Variants in TENT5D observed in about 807,000 individuals in gnomAD.
The protein encoded by TENT5D is cancer/testis antigen 112.
For missense variants in TENT5D, 191 were observed against 287.0 expected, an observed-to-expected ratio of 0.67 and a Z score of 2.42; for synonymous variants, 103 against 100.6, an observed-to-expected ratio of 1.02 and a Z score of -0.15.
At chrX:80,377,405 G>T (rs958964255) in intron 3 of TENT5D, among the ~76,000 whole-genome samples, 29 of 110,580 alleles carry the variant, frequency 2.6e-4, no homozygotes, top group Non-Finnish European at 4.7e-4. Context: ...TCCACGACAG[G>T]CCCCAGTGTG....
chrX:80,397,553 C>T (rs1400959759), intron 3 of TENT5D, among the ~76,000 whole-genome samples: 42 of 112,265 alleles, frequency 3.7e-4, no homozygotes, highest in Admixed American at 3.4e-3. Context: ...GCTGCACTCT[C>T]GGCACTTTGG....
At chrX:80,397,070 G>A (rs751141226) in intron 3 of TENT5D, among the ~76,000 whole-genome samples, 140 of 95,052 alleles carry the variant, frequency 1.5e-3, no homozygotes, top group African/African-American at 5.0e-3. Flanking sequence ...GCTGCCGGGC[G>A]GAGATGCTCC....
At chrX:80,418,025 A>T (rs949009783), upstream of TENT5D, among the ~76,000 whole-genome samples, 9 of 110,750 alleles carry the variant, frequency 8.1e-5, no homozygotes, top group East Asian at 8.5e-4. Flanking sequence ...ATTTTTAAAA[A>T]TTTTTTTCCA....
intron 1 of TENT5D, among the ~76,000 whole-genome samples, chrX:80,433,805 T>C (rs892077860): frequency 2.7e-5 from 3 of 111,343 alleles, no homozygotes; most frequent in African/African-American, 6.5e-5. Flanking sequence ...GGAATTTGCA[T>C]AAATCTCAGT....
At chrX:80,336,659 C>T (rs1331982631) in intron 2 of TENT5D, among the ~76,000 whole-genome samples, 1 of 109,944 alleles carries the variant, frequency 9.1e-6, no homozygotes, top group Admixed American at 9.8e-5. Context: ...ACAGCTATTT[C>T]AAAAAAATCC....
chrX:80,390,114 AATGAAG>A (rs1341316657), intron 3 of TENT5D, among the ~76,000 whole-genome samples: 1 of 111,652 alleles, frequency 9.0e-6, no homozygotes, highest in Non-Finnish European at 1.9e-5. Flanking sequence ...GATAGCCATG[AATGAAG>A]ATAAGTGAGT....
intron 3 of TENT5D, among the ~76,000 whole-genome samples, chrX:80,349,107 T>C (rs192674385): frequency 1.1e-4 from 12 of 112,307 alleles, no homozygotes; most frequent in Admixed American, 9.4e-4. Flanking sequence ...TCAACGATAC[T>C]GTCTTGAAAT....
At chrX:80,377,531 C>T in intron 3 of TENT5D, among the ~76,000 whole-genome samples, 1 of 111,309 alleles carries the variant, frequency 9.0e-6, no homozygotes, top group East Asian at 2.8e-4. Context: ...TGATGGTTTC[C>T]AGCTTCATCC....
chrX:80,432,697 G>C (rs1932110190), intron 1 of TENT5D, among the ~76,000 whole-genome samples: 1 of 111,414 alleles, frequency 9.0e-6, no homozygotes, highest in African/African-American at 3.3e-5. Flanking sequence ...ATAGAACATG[G>C]AGTTCTTTGT....
At chrX:80,379,095 G>A (rs777124180) in intron 3 of TENT5D, among the ~76,000 whole-genome samples, 33 of 101,132 alleles carry the variant, frequency 3.3e-4, no homozygotes, top group African/African-American at 9.2e-4. Flanking sequence ...GAATTTTGTC[G>A]AAGGCCTTTT....
At chrX:80,443,490 A>G in exon 3 of TENT5D, 2 of 1,210,899 alleles carry the variant, frequency 1.7e-6, no homozygotes, top group Non-Finnish European at 2.2e-6. Flanking sequence ...TGAGTTATGA[A>G]AGAAGACAGA....
chrX:80,413,406 G>A (rs1931709339), intron 3 of TENT5D, among the ~76,000 whole-genome samples: 1 of 111,689 alleles, frequency 9.0e-6, no homozygotes, highest in Non-Finnish European at 1.9e-5. Context: ...GAAATGTGAG[G>A]ACATGAGATT....
chrX:80,398,553 G>GT lies in TENT5D; in HGVS notation c.-141-40047dup, dbSNP rs1181951402. 1.3e-3 allele frequency among the ~76,000 whole-genome samples: 141 copies of GT among 106,256 alleles called. 2 individuals carry two copies. The South Asian group carries it at 0.013, about 10-fold the overall frequency. 92.3% of individuals were successfully genotyped at this position (106,256 alleles called of 115,157 possible). A position where few individuals can be genotyped will look rare whatever the true frequency, so the allele number is the denominator to read the frequency against. On this transcript the variant is annotated intron_variant, in intron 3 of 4. Coordinates refer to the TENT5D transcript ENST00000538312. ...TTATCATTTCAGGACTTACATTTATGTTTTTTTTTTCTATTTTGAGTTGAT... is the reference window on the plus strand; with the variant it reads ...TTATCATTTCAGGACTTACATTTATGTTTTTTTTTTTCTATTTTGAGTTGAT...
chrX:80,444,990 A>G (rs950099686), exon 3 of TENT5D: 1 of 122,285 alleles, frequency 8.2e-6, no homozygotes, highest in East Asian at 2.8e-4. Context: ...CTTGGTTATG[A>G]TTTTTTGTGA....
At chrX:80,375,716 G>T (rs944319472) in intron 3 of TENT5D, among the ~76,000 whole-genome samples, 6 of 111,387 alleles carry the variant, frequency 5.4e-5, no homozygotes, top group African/African-American at 2.0e-4. Context: ...TTAATTTTTA[G>T]TGAAAGCTTA....
chrX:80,407,072 G>A (rs1287129524), intron 3 of TENT5D, among the ~76,000 whole-genome samples: 7 of 108,378 alleles, frequency 6.5e-5, no homozygotes, highest in African/African-American at 1.0e-4. Context: ...TCACCAGCAG[G>A]CCTGCCCTAA....
chrX:80,411,021 A>G (rs1166563708), intron 3 of TENT5D, among the ~76,000 whole-genome samples: 1 of 100,058 alleles, frequency 1.0e-5, no homozygotes, highest in African/African-American at 3.7e-5. Context: ...TCATATTCTC[A>G]CTCATAGGTG....
intron 2 of TENT5D, among the ~76,000 whole-genome samples, chrX:80,438,947 A>G (rs1301838938): frequency 9.0e-6 from 1 of 111,206 alleles, no homozygotes; most frequent in Non-Finnish European, 1.9e-5. Context: ...GCATTCCCAG[A>G]TGAATTTAAC....
At chrX:80,351,684 G>A (rs910489746) in intron 3 of TENT5D, among the ~76,000 whole-genome samples, 10 of 109,907 alleles carry the variant, frequency 9.1e-5, no homozygotes, top group Non-Finnish European at 1.9e-4. Flanking sequence ...CCAGTTTTGC[G>A]CCCTTGCTGG....
Sources: allele counts gnomAD v4.1 joint callset (sites outside exome capture counted in the v4.1 genomes callset), GRCh38; gene constraint gnomAD v4.1.1; transcripts MANE v1.5; gene names NCBI Gene and HGNC (gene_info 2026-07-23, HGNC 2026-07-21).